Variants in CAMK2B observed in about 807,000 individuals in gnomAD.
CAMK2B encodes calcium/calmodulin-dependent protein kinase type II subunit beta.
A neutral mutation model predicts 93.7 loss-of-function variants in CAMK2B; 27 were observed. That is an observed-to-expected ratio of 0.29 (90% CI 0.21 to 0.40). The LOEUF is 0.40. CAMK2B is among the 10% of genes least tolerant of loss of function. The pLI, the probability that CAMK2B is intolerant of heterozygous loss-of-function variation, is 1.00. For missense variants in CAMK2B, 568 were observed against 895.8 expected, an observed-to-expected ratio of 0.63 and a Z score of 4.67; for synonymous variants, 374 against 358.8, an observed-to-expected ratio of 1.04 and a Z score of -0.48.
In CAMK2B at chr7:44,228,870, T is replaced by G. The variant is rs1290485813; in HGVS notation, c.1394A>C (p.Glu465Ala). ...NSVRRGSGTP[E>A]AEGPLSAGPP... ...CCCCGCTGAGAGGGGGCCCTCGGCT[T>G]CTGGGGTTCCTGAACCCCTTCTCAC... The change falls in exon 19 of 24, where the codon GAA (glutamate) becomes GCA (alanine). Residue 465 changes from glutamate to alanine, a missense_variant. Glu to Ala is a moderately radical substitution (Grantham distance 107). Coordinates refer to ENST00000395749, the MANE Select transcript of CAMK2B (RefSeq NM_001220.5). 2 of 1,563,990 alleles carry G rather than the reference T, an allele frequency of 1.3e-6. No individual in the cohort carries two copies. Among genetic ancestry groups the G allele is most frequent in the Non-Finnish European group, 1.7e-6 (2 of 1,148,814 alleles).
At chr7:44,292,106 G>A (rs1407334375) in intron 1 of CAMK2B, among the ~76,000 whole-genome samples, 1 of 152,126 alleles carries the variant, frequency 6.6e-6, no homozygotes, top group Admixed American at 6.5e-5. Context: ...CCTAGGGCTG[G>A]GAGGGAGAAT....
chr7:44,278,391 C>T (rs1218066760), intron 2 of CAMK2B, among the ~76,000 whole-genome samples: 6 of 152,278 alleles, frequency 3.9e-5, no homozygotes, highest in South Asian at 2.1e-4. Context: ...AACCTGGCCA[C>T]GGTCAGACAG....
intron 16 of CAMK2B, among the ~76,000 whole-genome samples, chr7:44,231,590 G>A (rs750916619): frequency 3.6e-4 from 55 of 152,254 alleles, no homozygotes; most frequent in Non-Finnish European, 1.6e-4. Flanking sequence ...AATACAGGGT[G>A]AGGCGTTCCC....
chr7:44,247,831 C>T (rs112187439), intron 5 of CAMK2B, among the ~76,000 whole-genome samples: 2,493 of 152,310 alleles, frequency 0.016, 16 homozygotes, highest in South Asian at 0.025. Context: ...AGTTCAAGAC[C>T]AGCCTGGCCA....
chr7:44,242,472 C>T (rs2096689547), intron 9 of CAMK2B, 88 bp downstream of exon 9: 2 of 1,498,148 alleles, frequency 1.3e-6, no homozygotes, highest in Non-Finnish European at 1.8e-6. Flanking sequence ...CAGGTGGCTT[C>T]ACCCCACTCC....
intron 1 of CAMK2B, among the ~76,000 whole-genome samples, chr7:44,299,304 T>A (rs1057394695): frequency 1.3e-5 from 2 of 152,222 alleles, no homozygotes; most frequent in African/African-American, 4.8e-5. Context: ...AAATACCACA[T>A]GATTCCCCTT....
intron 6 of CAMK2B, among the ~76,000 whole-genome samples, chr7:44,245,822 A>G (rs1443526330): frequency 6.6e-6 from 1 of 152,198 alleles, no homozygotes; most frequent in Non-Finnish European, 1.5e-5. Context: ...CCCATTCAGC[A>G]TGAAAACCAA....
chr7:44,282,493 G>T (rs1256367281), intron 2 of CAMK2B, among the ~76,000 whole-genome samples: 1 of 152,190 alleles, frequency 6.6e-6, no homozygotes, highest in African/African-American at 2.4e-5. Flanking sequence ...ACCCTCCCAT[G>T]GCCCCTCGTG....
Position 44,301,039 on chromosome 7 carries a change from A to T in CAMK2B, c.66-16814T>A, listed in dbSNP as rs1262407445. 3.3e-5 allele frequency among the ~76,000 whole-genome samples: 5 copies of T among 152,258 alleles called. No homozygotes were observed. In the East Asian group the frequency reaches 7.7e-4, roughly 23 times the overall value. On this transcript the variant is annotated intron_variant, in intron 1 of 23. Transcript: ENST00000395749. Reference sequence around the variant, plus strand: ...TTCTAAATGACACACAGACAAAAGAAAAAATGTCAAGGGAAATTTTAAAAT... The same window carrying T: ...TTCTAAATGACACACAGACAAAAGATAAAATGTCAAGGGAAATTTTAAAAT...
In CAMK2B at chr7:44,311,355, C is replaced by T. The variant is rs1488175291; in HGVS notation, c.65+14002G>A. Among the ~76,000 whole-genome samples the T allele has an allele frequency of 6.6e-6, 1 of 152,220 alleles. No homozygotes were observed. The highest frequency in any genetic ancestry group is 2.4e-5 in the African/African-American group (1 of 41,464). On this transcript the variant is annotated intron_variant, in intron 1 of 23. Coordinates refer to ENST00000395749, the MANE Select transcript of CAMK2B (RefSeq NM_001220.5). This position sits in a 1 kb window ranked among gnomAD's most constrained non-coding sequence, Gnocchi z 4.2. ...CCTCCCAAAGTGCTGGGATTACAGG[C>T]GTGAGCCACCGCACTCAGCCAAAAT...
intron 1 of CAMK2B, among the ~76,000 whole-genome samples, chr7:44,289,582 TC>T (rs1223357901): frequency 6.6e-6 from 1 of 152,076 alleles, no homozygotes; most frequent in African/African-American, 2.4e-5. Flanking sequence ...TCAGGTGCCC[TC>T]CCCAGCCACC....
At chr7:44,220,031 C>A in intron 23 of CAMK2B, 29 bp downstream of exon 23, 1 of 1,513,804 alleles carries the variant, frequency 6.6e-7, no homozygotes, top group South Asian at 1.2e-5. Flanking sequence ...CCCCTCTGCC[C>A]CAGCTGTCAC....
At chr7:44,226,034 G>A (rs1044326056) in intron 20 of CAMK2B, 73 of 666,728 alleles carry the variant, frequency 1.1e-4, no homozygotes, top group Admixed American at 2.6e-4. Flanking sequence ...CCCCAGATCC[G>A]CGCCTCCCGA....
chr7:44,249,247 ATGGCTGGC>A (rs561710082), intron 5 of CAMK2B, among the ~76,000 whole-genome samples: 1 of 152,158 alleles, frequency 6.6e-6, no homozygotes, highest in Non-Finnish European at 1.5e-5. Context: ...GAGCCTAAGC[ATGGCTGGC>A]TGGCTGGCTG....
In CAMK2B at chr7:44,258,477, C is replaced by T. The variant is rs1309226359; in HGVS notation, c.275+395G>A. ...TCACAGCCACACTCATAAACACACA[C>T]ATGTGCACTCACGCCAGCCAGTGGT... On this transcript the variant is annotated intron_variant, in intron 4 of 23. Coordinates refer to ENST00000395749, the MANE Select transcript of CAMK2B (RefSeq NM_001220.5). Among the ~76,000 whole-genome samples, 7 of 152,238 alleles carry T rather than the reference C, an allele frequency of 4.6e-5. No individual in the cohort carries two copies. In the East Asian group the frequency reaches 1.2e-3, roughly 25 times the overall value.
chr7:44,302,798 C>T (rs550443356), intron 1 of CAMK2B, among the ~76,000 whole-genome samples: 1 of 152,152 alleles, frequency 6.6e-6, no homozygotes, highest in Non-Finnish European at 1.5e-5. Context: ...CTACAGTTTA[C>T]ACCATACTTC....
chr7:44,297,231 T>A, intron 1 of CAMK2B, among the ~76,000 whole-genome samples: 1 of 152,120 alleles, frequency 6.6e-6, no homozygotes, highest in South Asian at 2.1e-4. Flanking sequence ...GAGAGTGGGC[T>A]TGGGTTAGTT....
At chr7:44,274,711 C>T (rs552197592) in intron 2 of CAMK2B, among the ~76,000 whole-genome samples, 25 of 152,386 alleles carry the variant, frequency 1.6e-4, no homozygotes, top group African/African-American at 5.8e-4. Context: ...GGCCTACAGT[C>T]TGCTGGCGGG....
chr7:44,241,638 C>T, intron 11 of CAMK2B, 62 bp downstream of exon 11: 1 of 1,367,500 alleles, frequency 7.3e-7, no homozygotes, highest in Non-Finnish European at 1.0e-6. Context: ...GGCCCCCCTG[C>T]TCCAGCCCAG....
Sources: gnomAD v4.1 joint callset for allele counts (sites outside exome capture counted in the v4.1 genomes callset) on GRCh38, gnomAD v4.1.1 for gene constraint, Gnocchi (gnomAD v3.1) non-coding constraint, MANE v1.5 for transcripts, NCBI Gene and HGNC (gene_info 2026-07-23, HGNC 2026-07-21) for gene names.